Variants in PHKG1 observed in about 807,000 individuals in gnomAD.
PHKG1 encodes the protein phosphorylase kinase catalytic subunit gamma 1.
In PHKG1, 48 loss-of-function variants were observed where a neutral mutation model predicts 50.5. That is an observed-to-expected ratio of 0.95 (90% confidence interval 0.75 to 1.21). The LOEUF (loss-of-function observed/expected upper bound fraction) is 1.21, where lower values mean the gene tolerates loss of function less well. Ranked by LOEUF, PHKG1 falls within the 50% of genes most tolerant of loss-of-function variation. The pLI, the probability that PHKG1 is intolerant of heterozygous loss-of-function variation, is 0.00. For synonymous variants in PHKG1, 204 were observed against 212.8 expected, an observed-to-expected ratio of 0.96 and a Z score of 0.36; for missense variants, 487 against 519.5, an observed-to-expected ratio of 0.94 and a Z score of 0.61.
At position 56,086,961 on chromosome 7, in the gene PHKG1, G is replaced by C. The variant is rs965674660; in HGVS notation, c.317+9C>G. 1 of 1,609,710 alleles carries C rather than the reference G, an allele frequency of 6.2e-7. No homozygotes were observed. The highest frequency in any genetic ancestry group is 8.5e-7 in the Non-Finnish European group (1 of 1,176,106). On this transcript the variant is annotated intron_variant, in intron 4 of 9. Coordinates refer to ENST00000297373, the MANE Select transcript of PHKG1 (RefSeq NM_006213.5). ...TCAGGTGTGGCTTGCTCCAGTGCTG[G>C]GTACTTACAGGTCAAACACCAAGAA...
In PHKG1 at chr7:56,083,272, C is replaced by T; in HGVS notation, c.547+6G>A. 2.5e-6 allele frequency: 4 copies of T among 1,613,578 alleles called. No individual in the cohort carries two copies. The highest frequency in any genetic ancestry group is 2.5e-6 in the Non-Finnish European group (3 of 1,179,800). ...CTGGACGTGGGCCAAGGCCATGTTA[C>T]CAGACCTCGCAGCCTCTCTCCCGGC... On this transcript the variant is annotated splice_donor_region_variant and intron_variant, in intron 6 of 9. Transcript: ENST00000297373.
intron 1 of PHKG1, among the ~76,000 whole-genome samples, chr7:56,090,010 C>T (rs1452097199): frequency 6.6e-6 from 1 of 152,140 alleles, no homozygotes; most frequent in Non-Finnish European, 1.5e-5. Context: ...TCCTTATCTC[C>T]CCTTGTTGTG....
intron 3 of PHKG1, among the ~76,000 whole-genome samples, chr7:56,087,377 A>G (rs1400347033): frequency 6.6e-6 from 1 of 151,966 alleles, no homozygotes; most frequent in African/African-American, 2.4e-5. Context: ...ATGCACCAGC[A>G]TGCCTGGCTA....
In PHKG1 at chr7:56,087,781, G is replaced by C; in HGVS notation, c.84-5C>G. Reference sequence around the variant, plus strand: ...CTGACCACACTGCTAACGCCCCTGGGAGTGCAGAGGACAGATGGCCTCGGG... The same window carrying C: ...CTGACCACACTGCTAACGCCCCTGGCAGTGCAGAGGACAGATGGCCTCGGG... On this transcript the variant is annotated splice_polypyrimidine_tract_variant and splice_region_variant and intron_variant, in intron 2 of 9. Coordinates refer to ENST00000297373, the MANE Select transcript of PHKG1 (RefSeq NM_006213.5). 1.2e-6 allele frequency: 2 copies of C among 1,608,666 alleles called. No individual in the cohort carries two copies. The highest frequency in any genetic ancestry group is 2.2e-5 in the East Asian group (1 of 44,818).
At chr7:56,085,083 C>T (rs1796197012) in intron 4 of PHKG1, among the ~76,000 whole-genome samples, 1 of 152,092 alleles carries the variant, frequency 6.6e-6, no homozygotes, top group Non-Finnish European at 1.5e-5. Flanking sequence ...GCCTCATCCT[C>T]CTGAGTGACT....
chr7:56,091,252 C>A (rs991235406), intron 1 of PHKG1, among the ~76,000 whole-genome samples: 8 of 151,936 alleles, frequency 5.3e-5, no homozygotes, highest in Non-Finnish European at 8.8e-5. Context: ...CGCAGTGGCT[C>A]ATGCCTGTAA....
chr7:56,091,967 C>A (rs1263282770), intron 1 of PHKG1, among the ~76,000 whole-genome samples: 2 of 152,240 alleles, frequency 1.3e-5, no homozygotes, highest in Non-Finnish European at 2.9e-5. Context: ...CAATGGGCAC[C>A]TTTGCCTCAT....
In PHKG1 at chr7:56,081,576, G is replaced by C; in HGVS notation, c.918+54C>G. 2 of 1,597,590 alleles carry C rather than the reference G, an allele frequency of 1.3e-6. No individual in the cohort carries two copies. Among genetic ancestry groups the C allele is most frequent in the Non-Finnish European group, 1.7e-6 (2 of 1,168,974 alleles). On this transcript the variant is annotated intron_variant, in intron 9 of 9. Coordinates refer to ENST00000297373, the MANE Select transcript of PHKG1 (RefSeq NM_006213.5). The surrounding 1 kb of genome is among the most constrained non-coding windows in gnomAD (Gnocchi z 4.6). ...GTAAGGACTCCTGGGAGAGGAGGGG[G>C]CTTAGAGGTTTGCACTTAGGGAGCT... is the stretch of plus-strand genomic sequence containing the variant.
In PHKG1 at chr7:56,090,393, G is replaced by C. The variant is rs551643077; in HGVS notation, c.-34-1418C>G. On this transcript the variant is annotated intron_variant, in intron 1 of 9. Coordinates refer to ENST00000297373, the MANE Select transcript of PHKG1 (RefSeq NM_006213.5). ...GGCCTCCCAAAGTGCTGGGATTACA[G>C]GCATGAGCCACTGCACCTGGCCCTT... Among the ~76,000 whole-genome samples the C allele has an allele frequency of 2.6e-5, 4 of 152,238 alleles. No homozygotes were observed. The South Asian group carries it at 8.3e-4, about 32-fold the overall frequency.
At chr7:56,087,239 A>ATTG (rs1796296187) in intron 3 of PHKG1, among the ~76,000 whole-genome samples, 1 of 145,562 alleles carries the variant, frequency 6.9e-6, no homozygotes, top group African/African-American at 2.5e-5. Flanking sequence ...TATTATTATT[A>ATTG]GAGACAGGAT....
chr7:56,084,691 C>T (rs1005339147), intron 4 of PHKG1, among the ~76,000 whole-genome samples: 1 of 151,904 alleles, frequency 6.6e-6, no homozygotes, highest in African/African-American at 2.4e-5. Flanking sequence ...CGATTTTTTC[C>T]CAGGAAACAA....
chr7:56,085,283 A>C (rs1441218611), intron 4 of PHKG1, among the ~76,000 whole-genome samples: 1 of 151,708 alleles, frequency 6.6e-6, no homozygotes, highest in African/African-American at 2.4e-5. Context: ...TTTTTTGTAG[A>C]GATGGGGTCT....
chr7:56,087,579 G>C lies in PHKG1; in HGVS notation c.262+19C>G, dbSNP rs1453164458. On this transcript the variant is annotated intron_variant, in intron 3 of 9. Transcript: ENST00000297373. ...TCACAGGGGGGCACCCTGCCGTGTG[G>C]CTTGGGGCCATCACTCACTGATGTT... The C allele has an allele frequency of 1.9e-6, 3 of 1,607,742 alleles. No homozygotes were observed.
chr7:56,082,046 C>G lies in PHKG1; in HGVS notation c.639G>C (p.Met213Ile), dbSNP rs757769249. 1.6e-5 allele frequency: 25 copies of G among 1,612,182 alleles called. No homozygotes were observed. Among genetic ancestry groups the G allele is most frequent in the Non-Finnish European group, 2.1e-5 (25 of 1,178,632 alleles). ...DHPGYGKEVDMWSTGVIMYTL... is the reference protein window; with the variant it reads ...DHPGYGKEVDIWSTGVIMYTL... ...TGTACATGATGACGCCAGTGCTCCA[C>G]CTGGACATGCGAGGGCCCAGGGCCA... Residue 213 changes from methionine to isoleucine, a missense_variant and splice_region_variant, in exon 8 of 10, where the codon ATG becomes ATC. Transcript: ENST00000297373.
chr7:56,081,812 C>A lies in PHKG1; in HGVS notation c.793-57G>T, dbSNP rs936093867. 3.1e-6 allele frequency: 5 copies of A among 1,608,118 alleles called. No individual in the cohort carries two copies. The highest frequency in any genetic ancestry group is 4.3e-6 in the Non-Finnish European group (5 of 1,176,406). ...TCAAGGCAGGTCCCCTCCAGCATGT[C>A]AGGAAAGGCAGGGCCTCCCCGGGCA... On this transcript the variant is annotated intron_variant, in intron 8 of 9. Transcript: ENST00000297373. The surrounding 1 kb of genome is among the most constrained non-coding windows in gnomAD (Gnocchi z 4.6).
chr7:56,089,921 A>G (rs187231718), intron 1 of PHKG1, among the ~76,000 whole-genome samples: 13 of 152,158 alleles, frequency 8.5e-5, no homozygotes, highest in African/African-American at 2.6e-4. Context: ...TCAGCCTCCC[A>G]AAGAGATGGG....
Position 56,083,290 on chromosome 7 carries a change from C to A in PHKG1, c.535G>T (p.Glu179Ter), listed in dbSNP as rs1332084369. The change falls in exon 6 of 10, where the codon GAG (glutamate) becomes TAG (stop). Residue 179 changes from glutamate (E) to a stop codon, truncating the protein, a stop_gained. Transcript: ENST00000297373. LOFTEE classifies it high-confidence loss of function. ...FGFSCQLEPG[E>*]RLREVCGTPS... ...CATGTTACCAGACCTCGCAGCCTCTCTCCCGGCTCCAGCTGGCAGGAAAAG... is the reference window on the plus strand; with the variant it reads ...CATGTTACCAGACCTCGCAGCCTCTATCCCGGCTCCAGCTGGCAGGAAAAG... 5.0e-6 allele frequency: 8 copies of A among 1,613,956 alleles called. No homozygotes were observed. In the South Asian group the frequency reaches 8.8e-5, roughly 18 times the overall value.
At chr7:56,088,385 C>G (rs1796357913) in intron 2 of PHKG1, among the ~76,000 whole-genome samples, 1 of 151,794 alleles carries the variant, frequency 6.6e-6, no homozygotes, top group Non-Finnish European at 1.5e-5. Flanking sequence ...GTTAGCCAGA[C>G]CTGGTGGCAC....
In PHKG1 at chr7:56,081,438, C is replaced by G. The variant is rs1795984745; in HGVS notation, c.919-139G>C. 3.1e-6 allele frequency: 4 copies of G among 1,293,378 alleles called. No homozygotes were observed. The East Asian group carries it at 9.7e-5, about 31-fold the overall frequency. 80.1% of individuals were successfully genotyped at this position (1,293,378 alleles called of 1,614,324 possible). A position where few individuals can be genotyped will look rare whatever the true frequency, so the allele number is the denominator to read the frequency against. ...GGGCCTTCCTAGTGTCCCCCACTTC[C>G]CACTTGGCCAGCATCCTCAGGGACC... On this transcript the variant is annotated intron_variant, in intron 9 of 9. Transcript: ENST00000297373. The surrounding 1 kb of genome is among the most constrained non-coding windows in gnomAD (Gnocchi z 4.6).
Sources: allele counts gnomAD v4.1 joint callset (sites outside exome capture counted in the v4.1 genomes callset), GRCh38; gene constraint gnomAD v4.1.1; non-coding constraint Gnocchi (gnomAD v3.1); transcripts MANE v1.5; gene names NCBI Gene and HGNC (gene_info 2026-07-23, HGNC 2026-07-21).